The following SH3BP4 variants were observed in gnomAD, a reference collection of about 807,000 sequenced individuals.
SH3BP4 encodes SH3 domain-binding protein 4.
A neutral mutation model predicts 65.5 loss-of-function variants in SH3BP4; 33 were observed. The ratio of observed to expected loss-of-function variants is 0.50; its 90% CI spans 0.38 to 0.67. The LOEUF (loss-of-function observed/expected upper bound fraction) is 0.67. SH3BP4 is among the 30% of genes least tolerant of loss of function. The probability of loss-of-function intolerance (pLI) is 0.00; values close to 1 mark genes in which losing one functional copy is unlikely to be tolerated. For missense variants in SH3BP4, 1,134 were observed against 1,261.4 expected (o/e 0.90, Z 1.53); for synonymous variants, 552 against 545.5 (o/e 1.01, Z -0.17).
chr2:234,969,761 T>C (rs1479176758), intron 1 of SH3BP4, among the ~76,000 whole-genome samples: 2 of 152,212 alleles, frequency 1.3e-5, no homozygotes, highest in African/African-American at 4.8e-5. Context: ...AGCATGTGTG[T>C]ACCCCAGCCT....
At chr2:234,989,272 C>T (rs1467359812) in intron 1 of SH3BP4, among the ~76,000 whole-genome samples, 1 of 152,164 alleles carries the variant, frequency 6.6e-6, no homozygotes, top group African/African-American at 2.4e-5. Context: ...GCTGCCAGAG[C>T]GGGGCCAGAG....
rs934982575 is a variant in SH3BP4 at position 235,030,879 on chromosome 2, G to T, written c.-132-3992G>T. 2.0e-5 allele frequency among the ~76,000 whole-genome samples: 3 copies of T among 152,184 alleles called. No homozygotes were observed. The highest frequency in any genetic ancestry group is 7.2e-5 in the African/African-American group (3 of 41,432). ...CCCTCTGCACTCAGTCCACACCAGG[G>T]CTGGCTGCCCTCTTTCTGTACTGTA... On this transcript the variant is annotated intron_variant, in intron 2 of 5. Coordinates refer to ENST00000392011, the MANE Select transcript of SH3BP4 (RefSeq NM_014521.3). The surrounding 1 kb of genome is among the most constrained non-coding windows in gnomAD (Gnocchi z 4.1).
At chr2:234,988,347 C>T (rs897772306) in intron 1 of SH3BP4, among the ~76,000 whole-genome samples, 5 of 152,194 alleles carry the variant, frequency 3.3e-5, no homozygotes, top group Non-Finnish European at 5.9e-5. Context: ...GCGTGAGCCA[C>T]CACACCCGGC....
chr2:235,041,443 G>T lies in SH3BP4; in HGVS notation c.674G>T (p.Gly225Val). Reference protein sequence around the residue: ...NIFDELPVTNGLHAEPPVRRD... With the variant: ...NIFDELPVTNVLHAEPPVRRD... ...TTCGATGAGCTTCCAGTCACAAACG[G>T]ACTCCACGCAGAGCCGCCGGTCAGG... The change falls in exon 4 of 6, where the codon GGA becomes GTA. Residue 225 changes from glycine (G) to valine (V), a missense_variant. Transcript: ENST00000392011. The surrounding 1 kb of genome is among the most constrained non-coding windows in gnomAD (Gnocchi z 6.0). 3 of 1,614,138 alleles carry T rather than the reference G, an allele frequency of 1.9e-6. No homozygotes were observed. The highest frequency in any genetic ancestry group is 2.5e-6 in the Non-Finnish European group (3 of 1,180,028).
chr2:235,042,070 G>A lies in SH3BP4; in HGVS notation c.1301G>A (p.Cys434Tyr), dbSNP rs771942178. The change falls in exon 4 of 6, where the codon TGT (cysteine) becomes TAT (tyrosine). Residue 434 changes from cysteine (C) to tyrosine (Y), a missense_variant. By Grantham distance (194) the Cys-to-Tyr change is radical. Transcript: ENST00000392011. The surrounding 1 kb of genome is among the most constrained non-coding windows in gnomAD (Gnocchi z 7.3). Reference protein sequence around the residue: ...PYVSVPLNCSCGDTVQAQLHN... With the variant: ...PYVSVPLNCSYGDTVQAQLHN... ...GTCTCCGTCCCGCTCAACTGCAGCT[G>A]TGGGGACACGGTCCAGGCACAGCTG... 6.2e-7 allele frequency: 1 copy of A among 1,614,080 alleles called. No homozygotes were observed. Among genetic ancestry groups the A allele is most frequent in the Admixed American group, 1.7e-5 (1 of 60,026 alleles).
chr2:235,031,698 T>C (rs1362009512), intron 2 of SH3BP4, among the ~76,000 whole-genome samples: 2 of 152,212 alleles, frequency 1.3e-5, no homozygotes, highest in Admixed American at 6.5e-5. Flanking sequence ...TCCACAGGCC[T>C]CTGGGCCTCC....
intron 1 of SH3BP4, among the ~76,000 whole-genome samples, chr2:234,962,194 T>C (rs1692730028): frequency 6.6e-6 from 1 of 152,170 alleles, no homozygotes; most frequent in South Asian, 2.1e-4. Flanking sequence ...TGGAGTGCGG[T>C]GGCCCAATGT....
chr2:235,012,080 G>A (rs1694527511), intron 2 of SH3BP4, among the ~76,000 whole-genome samples: 1 of 152,234 alleles, frequency 6.6e-6, no homozygotes, highest in African/African-American at 2.4e-5. Context: ...TGTGGATGCA[G>A]GGAGCAGCTT....
intron 1 of SH3BP4, among the ~76,000 whole-genome samples, chr2:234,986,527 G>A (rs1162745183): frequency 3.9e-5 from 6 of 152,156 alleles, no homozygotes; most frequent in African/African-American, 1.4e-4. Flanking sequence ...ACCCTCACTT[G>A]TCCACGTCCT....
Position 234,952,376 on chromosome 2 carries a change from C to G in SH3BP4, c.-207+206C>G, listed in dbSNP as rs866729228. Among the ~76,000 whole-genome samples the G allele has an allele frequency of 2.0e-5, 3 of 151,078 alleles. No homozygotes were observed. The highest frequency in any genetic ancestry group is 6.8e-3 in the Middle Eastern group (2 of 292). ...GGGAAGCCTCGCGCGCCCCTCGCCG[C>G]TCCCCCGGGCGCTCGGGTCTCCCTG... On this transcript the variant is annotated intron_variant, in intron 1 of 5. Coordinates refer to ENST00000392011, the MANE Select transcript of SH3BP4 (RefSeq NM_014521.3). The surrounding 1 kb of genome is among the most constrained non-coding windows in gnomAD (Gnocchi z 6.5).
At chr2:235,015,388 C>T (rs543986135) in intron 2 of SH3BP4, among the ~76,000 whole-genome samples, 1 of 152,312 alleles carries the variant, frequency 6.6e-6, no homozygotes, top group East Asian at 1.9e-4. Context: ...AGAGCATGCC[C>T]CAGGCCTGTG....
In SH3BP4 at chr2:234,985,831, T is replaced by C. The variant is rs146031438; in HGVS notation, c.-206-9472T>C. Among the ~76,000 whole-genome samples, 1,431 of 150,560 alleles carry C rather than the reference T, an allele frequency of 9.5e-3. 23 individuals are homozygous for C. The highest frequency in any genetic ancestry group is 0.031 in the African/African-American group (1,250 of 40,634). On this transcript the variant is annotated intron_variant, in intron 1 of 5. Transcript: ENST00000392011. Reference sequence around the variant, plus strand: ...CACACGCCTACGAGCTCAAGGAGCATGATGCAGGTGAACCAGCCCTGGATA... The same window carrying C: ...CACACGCCTACGAGCTCAAGGAGCACGATGCAGGTGAACCAGCCCTGGATA...
At chr2:235,009,429 T>A (rs746234038) in intron 2 of SH3BP4, among the ~76,000 whole-genome samples, 8 of 152,102 alleles carry the variant, frequency 5.3e-5, no homozygotes, top group Admixed American at 1.3e-4. Context: ...AGAGGGGCCG[T>A]GGTGTGGTGT....
intron 1 of SH3BP4, among the ~76,000 whole-genome samples, chr2:234,988,264 T>A (rs541715768): frequency 1.2e-4 from 18 of 152,256 alleles, no homozygotes; most frequent in African/African-American, 3.9e-4. Flanking sequence ...TTTCACCGTG[T>A]TAGCCAGGAT....
At chr2:235,027,282 T>C (rs989013426) in intron 2 of SH3BP4, among the ~76,000 whole-genome samples, 2 of 152,228 alleles carry the variant, frequency 1.3e-5, no homozygotes, top group Non-Finnish European at 1.5e-5. Context: ...GCTGGGGTGT[T>C]AACCCCGTGG....
intron 1 of SH3BP4, among the ~76,000 whole-genome samples, chr2:234,975,600 G>A (rs1425468491): frequency 1.3e-5 from 2 of 152,202 alleles, no homozygotes; most frequent in African/African-American, 4.8e-5. Context: ...TTGAGGCTGG[G>A]CGCCGTGGTT....
At chr2:234,985,120 G>A (rs1168306520) in intron 1 of SH3BP4, among the ~76,000 whole-genome samples, 1 of 152,196 alleles carries the variant, frequency 6.6e-6, no homozygotes, top group African/African-American at 2.4e-5. Flanking sequence ...GGATAGCGGA[G>A]CACCTGCAGA....
rs571164785 is a variant in SH3BP4, at chr2:234,973,791, A to G, written c.-206-21512A>G. ...GCTGGGCCCACAGGCGTGTGCTACC[A>G]CACCCAGCTAAGTTTTACAACTGTT... On this transcript the variant is annotated intron_variant, in intron 1 of 5. Transcript: ENST00000392011. Among the ~76,000 whole-genome samples, 7 of 151,554 alleles carry G rather than the reference A, an allele frequency of 4.6e-5. No individual in the cohort carries two copies. In the South Asian group the frequency reaches 1.5e-3, roughly 32 times the overall value.
intron 1 of SH3BP4, among the ~76,000 whole-genome samples, chr2:234,986,394 C>T (rs914380916): frequency 3.3e-5 from 5 of 152,208 alleles, no homozygotes; most frequent in Admixed American, 2.0e-4. Flanking sequence ...TTCAAGACTC[C>T]GTCACAAACA....
Sources: gnomAD v4.1 joint callset for allele counts (sites outside exome capture counted in the v4.1 genomes callset) on GRCh38, gnomAD v4.1.1 for gene constraint, Gnocchi (gnomAD v3.1) non-coding constraint, MANE v1.5 for transcripts, NCBI Gene and HGNC (gene_info 2026-07-23, HGNC 2026-07-21) for gene names.